Variants in TENM4 observed in about 807,000 individuals in gnomAD.
TENM4 encodes the protein teneurin transmembrane protein 4.
In TENM4, 82 loss-of-function variants were observed where a neutral mutation model predicts 243.3. That is an observed-to-expected ratio of 0.34 (90% CI 0.28 to 0.40). The LOEUF is 0.40. TENM4 is among the 10% of genes least tolerant of loss of function. TENM4 has a pLI of 1.00. For missense variants in TENM4, 3,138 were observed against 3,673.3 expected (o/e 0.85, Z 3.77); for synonymous variants, 1,412 against 1,456.3 (o/e 0.97, Z 0.69).
At position 78,770,975 on chromosome 11, in the gene TENM4, G is replaced by T; in HGVS notation, c.2539+17C>A. The T allele has an allele frequency of 6.4e-7, 1 of 1,574,140 alleles. No individual in the cohort carries two copies. The highest frequency in any genetic ancestry group is 1.2e-5 in the South Asian group (1 of 85,312). On this transcript the variant is annotated intron_variant, in intron 18 of 33. Transcript: ENST00000278550. Reference sequence around the variant, plus strand: ...CCCTCTGGAGCCGCCTGGAGCCCATGGGTGCCAGAGCCCTACCTCCATCAT... The same window carrying T: ...CCCTCTGGAGCCGCCTGGAGCCCATTGGTGCCAGAGCCCTACCTCCATCAT...
chr11:79,316,474 A>G (rs1270324480), intron 1 of TENM4, among the ~76,000 whole-genome samples: 4 of 152,228 alleles, frequency 2.6e-5, no homozygotes, highest in Admixed American at 6.5e-5. Flanking sequence ...GTGGGCTAAC[A>G]AGCGTACCCA....
intron 1 of TENM4, among the ~76,000 whole-genome samples, chr11:79,421,822 C>T (rs1399761332): frequency 6.6e-6 from 1 of 152,100 alleles, no homozygotes; most frequent in Non-Finnish European, 1.5e-5. Context: ...CATTAAAAGT[C>T]TATGATGGAC....
Position 78,655,908 on chromosome 11 carries a change from C to T in TENM4, c.*2150G>A, listed in dbSNP as rs963353602. 5 of 152,244 alleles carry T rather than the reference C, an allele frequency of 3.3e-5. No homozygotes were observed. Among genetic ancestry groups the T allele is most frequent in the African/African-American group, 9.7e-5 (4 of 41,448 alleles). The allele number at this position is 152,244 out of a possible 1,614,324, so 9.4% of individuals were successfully genotyped here. ...AGCCCCCATCTCCAGCTCATGCCTC[C>T]CACAGCAGGCCTGCAGAGCACTGTA... On this transcript the variant is annotated 3_prime_UTR_variant, in exon 34 of 34. Transcript: ENST00000278550.
chr11:79,210,784 C>T (rs1863940743), intron 3 of TENM4, among the ~76,000 whole-genome samples: 1 of 152,104 alleles, frequency 6.6e-6, no homozygotes, highest in Non-Finnish European at 1.5e-5. Context: ...TTTCTCATTT[C>T]CCCCTCTCTT....
At chr11:78,834,389 T>C (rs773257942) in intron 12 of TENM4, among the ~76,000 whole-genome samples, 1 of 152,198 alleles carries the variant, frequency 6.6e-6, no homozygotes, top group African/African-American at 2.4e-5. Context: ...TGGTCTTTTC[T>C]TACTTGCTGG....
chr11:78,820,744 C>T (rs1857708274), intron 12 of TENM4, among the ~76,000 whole-genome samples: 2 of 152,222 alleles, frequency 1.3e-5, no homozygotes, highest in South Asian at 4.1e-4. Flanking sequence ...AACTGGAAAA[C>T]AAACAAGCAA....
At chr11:79,430,919 T>C (rs1302242341) in intron 1 of TENM4, among the ~76,000 whole-genome samples, 2 of 152,136 alleles carry the variant, frequency 1.3e-5, no homozygotes, top group African/African-American at 4.8e-5. Flanking sequence ...AGACAAACTC[T>C]AGAATAGATA....
At position 79,339,889 on chromosome 11, in the gene TENM4, G is replaced by A. The variant is rs374136583; in HGVS notation, c.-320-42346C>T. On this transcript the variant is annotated intron_variant, in intron 1 of 33. Transcript: ENST00000278550. ...GTGGGAAGCTGCCAAGCTGCTCCCC[G>A]TGGTTGGGTGCAGGATGTGGGGTAG... 3.3e-5 allele frequency among the ~76,000 whole-genome samples: 5 copies of A among 152,172 alleles called. No individual in the cohort carries two copies. The East Asian group carries it at 9.7e-4, about 29-fold the overall frequency.
At chr11:78,887,057 C>G (rs577178429) in intron 9 of TENM4, among the ~76,000 whole-genome samples, 7 of 152,214 alleles carry the variant, frequency 4.6e-5, no homozygotes, top group Non-Finnish European at 8.8e-5. Context: ...TGTGTCCTAT[C>G]ACTGCTTAAA....
intron 19 of TENM4, among the ~76,000 whole-genome samples, chr11:78,744,733 C>T (rs577736459): frequency 2.0e-5 from 3 of 152,364 alleles, no homozygotes; most frequent in Admixed American, 6.5e-5. Context: ...ATAAATCGCA[C>T]ACATGTGCTA....
chr11:78,675,678 G>A (rs927354917), intron 30 of TENM4, among the ~76,000 whole-genome samples: 5 of 152,196 alleles, frequency 3.3e-5, no homozygotes, highest in African/African-American at 1.2e-4. Context: ...GTTCTAAGTA[G>A]CTGAGCTGAA....
intron 19 of TENM4, among the ~76,000 whole-genome samples, chr11:78,750,125 T>C (rs1322686555): frequency 6.6e-6 from 1 of 152,238 alleles, no homozygotes; most frequent in Non-Finnish European, 1.5e-5. Context: ...TTCTGCAGTA[T>C]AGAATGCTTT....
chr11:78,941,654 G>A (rs1856897873), intron 6 of TENM4, among the ~76,000 whole-genome samples: 1 of 152,078 alleles, frequency 6.6e-6, no homozygotes, highest in Admixed American at 6.5e-5. Flanking sequence ...GGCAGATGTG[G>A]GAACAGGAAC....
At chr11:78,760,569 T>C (rs1382486469) in intron 18 of TENM4, among the ~76,000 whole-genome samples, 4 of 152,248 alleles carry the variant, frequency 2.6e-5, no homozygotes, top group Non-Finnish European at 4.4e-5. Flanking sequence ...ACTTTTAGAC[T>C]GAGACTCTGA....
chr11:79,147,029 G>A (rs1378830702), intron 4 of TENM4, among the ~76,000 whole-genome samples: 1 of 152,064 alleles, frequency 6.6e-6, no homozygotes, highest in African/African-American at 2.4e-5. Context: ...ATACAGATAT[G>A]TACATGCATG....
At chr11:79,198,387 G>A (rs1044227650) in intron 3 of TENM4, among the ~76,000 whole-genome samples, 1 of 152,226 alleles carries the variant, frequency 6.6e-6, no homozygotes, top group Non-Finnish European at 1.5e-5. Flanking sequence ...CACTGGCCTG[G>A]GGAGGCGCCA....
chr11:79,358,408 T>G (rs1857532474), intron 1 of TENM4, among the ~76,000 whole-genome samples: 1 of 152,176 alleles, frequency 6.6e-6, no homozygotes, highest in Non-Finnish European at 1.5e-5. Flanking sequence ...ACAGGGACGC[T>G]CAGGACCCAA....
At chr11:79,169,739 G>A (rs1162258945) in intron 3 of TENM4, among the ~76,000 whole-genome samples, 2 of 152,334 alleles carry the variant, frequency 1.3e-5, no homozygotes, top group Non-Finnish European at 2.9e-5. Context: ...GTCAGCAAAA[G>A]AGATATGTTC....
chr11:78,873,689 G>A (rs530602605), intron 9 of TENM4, among the ~76,000 whole-genome samples: 9 of 152,228 alleles, frequency 5.9e-5, no homozygotes, highest in East Asian at 3.9e-4. Flanking sequence ...CTCAAATTTC[G>A]TTGGCAATAT....
Sources: allele counts gnomAD v4.1 joint callset (sites outside exome capture counted in the v4.1 genomes callset), GRCh38; gene constraint gnomAD v4.1.1; transcripts MANE v1.5; gene names NCBI Gene and HGNC (gene_info 2026-07-23, HGNC 2026-07-21).